KIAA0586: variants seen among roughly 807,000 people sequenced by gnomAD.
The protein encoded by KIAA0586 is KIAA0586.
A neutral mutation model predicts 169.8 loss-of-function variants in KIAA0586; 144 were observed. The observed-to-expected ratio is 0.85, with a 90% CI of 0.74 to 0.97. The LOEUF (loss-of-function observed/expected upper bound fraction) is 0.97. Ranked by LOEUF, KIAA0586 falls within the 50% of genes least tolerant of loss-of-function variation. The pLI, the probability that KIAA0586 is intolerant of heterozygous loss-of-function variation, is 0.00. For synonymous variants in KIAA0586, 625 were observed against 612.4 expected (o/e 1.02, Z -0.30); for missense variants, 1,854 against 1,823.0 (o/e 1.02, Z -0.31).
intron 7 of KIAA0586, among the ~76,000 whole-genome samples, chr14:58,450,353 C>G (rs1215050983): frequency 6.6e-6 from 1 of 152,040 alleles, no homozygotes; most frequent in Admixed American, 6.5e-5. Flanking sequence ...TTCAGTAGTT[C>G]TGAATATTAT....
intron 4 of KIAA0586, among the ~76,000 whole-genome samples, chr14:58,438,502 C>T (rs1467174681): frequency 6.6e-6 from 1 of 152,128 alleles, no homozygotes; most frequent in Non-Finnish European, 1.5e-5. Flanking sequence ...GAAAGAAGTC[C>T]TGCTACCATT....
At chr14:58,476,695 T>G (rs2041656059) in intron 19 of KIAA0586, among the ~76,000 whole-genome samples, 1 of 127,880 alleles carries the variant, frequency 7.8e-6, no homozygotes, top group Non-Finnish European at 1.6e-5. Flanking sequence ...TGAGACAGGG[T>G]CTCACTCTAT....
At chr14:58,428,841 A>G (rs1489256093) in intron 1 of KIAA0586, among the ~76,000 whole-genome samples, 1 of 152,170 alleles carries the variant, frequency 6.6e-6, no homozygotes, top group African/African-American at 2.4e-5. Flanking sequence ...TGGGAAAAGC[A>G]GGACTTCTGC....
intron 8 of KIAA0586, among the ~76,000 whole-genome samples, chr14:58,451,099 C>T (rs1279808389): frequency 6.6e-6 from 1 of 151,496 alleles, no homozygotes; most frequent in East Asian, 1.9e-4. Flanking sequence ...CCCCATTCTC[C>T]TGCCTCAGCC....
At chr14:58,464,434 AAG>A (rs1270855938) in intron 14 of KIAA0586, among the ~76,000 whole-genome samples, 1 of 151,640 alleles carries the variant, frequency 6.6e-6, no homozygotes, top group African/African-American at 2.4e-5. Context: ...AAAAAAAAAA[AAG>A]CACCCACATG....
At chr14:58,489,825 G>C (rs1373600906) in intron 24 of KIAA0586, among the ~76,000 whole-genome samples, 1 of 150,892 alleles carries the variant, frequency 6.6e-6, no homozygotes, top group East Asian at 1.9e-4. Context: ...TTTTTTCTTT[G>C]CTCTAAGTTC....
In KIAA0586 at chr14:58,508,691, C is replaced by A. The variant is rs144692893; in HGVS notation, c.4305C>A (p.Ala1435=). The A allele has an allele frequency of 1.9e-6, 3 of 1,587,634 alleles. No homozygotes were observed. The highest frequency in any genetic ancestry group is 2.3e-5 in the South Asian group (2 of 86,932). Residue 1435 remains alanine (A), a synonymous_variant, in exon 28 of 31, where the codon GCC becomes GCA. Transcript: ENST00000652326. ...AAAATGATGTTAATTTACCAGTAGC[C>A]GCTGAAGATTTTTCCCAGGTACCAA... The part of the protein sequence containing the change: ...AQENDVNLPV[A]AEDFSQYQLK...
At position 58,463,750 on chromosome 14, in the gene KIAA0586, T is replaced by C. The variant is rs541205441; in HGVS notation, c.2060-2085T>C. On this transcript the variant is annotated intron_variant, in intron 14 of 30. Transcript: ENST00000652326. ...GGAGGATCACTTCAGCACTTGAGCT[T>C]AGGAATTCAAGGTTGCAGTGAGCTA... Among the ~76,000 whole-genome samples, 105 of 151,628 alleles carry C rather than the reference T, an allele frequency of 6.9e-4. 1 individual carries two copies. Among genetic ancestry groups the C allele is most frequent in the African/African-American group, 2.4e-3 (98 of 41,294 alleles).
intron 14 of KIAA0586, among the ~76,000 whole-genome samples, chr14:58,464,829 G>A (rs1208991078): frequency 1.3e-5 from 2 of 152,160 alleles, no homozygotes; most frequent in African/African-American, 2.4e-5. Flanking sequence ...AGAGACCCCA[G>A]ACAAAGGGAT....
chr14:58,510,560 A>G (rs1355485648), intron 28 of KIAA0586, among the ~76,000 whole-genome samples: 1 of 152,210 alleles, frequency 6.6e-6, no homozygotes. Context: ...TCCAACCCCT[A>G]TGGAAAAGAG....
chr14:58,496,559 T>C (rs911375671), intron 26 of KIAA0586, among the ~76,000 whole-genome samples: 6 of 152,194 alleles, frequency 3.9e-5, no homozygotes, highest in African/African-American at 1.2e-4. Context: ...TAAAGGATGT[T>C]GAGGCAATCA....
chr14:58,501,071 A>G (rs2043536193), intron 27 of KIAA0586, among the ~76,000 whole-genome samples: 1 of 152,234 alleles, frequency 6.6e-6, no homozygotes, highest in Non-Finnish European at 1.5e-5. Context: ...GATCTGCTAT[A>G]TTCTTATTAT....
At chr14:58,440,130 G>T (rs1390851646) in intron 4 of KIAA0586, 1 of 413,164 alleles carries the variant, frequency 2.4e-6, no homozygotes. Flanking sequence ...CAGTCTTCCT[G>T]CCTCAGCCTC....
intron 29 of KIAA0586, among the ~76,000 whole-genome samples, chr14:58,516,821 A>G (rs1325824447): frequency 6.6e-6 from 1 of 151,966 alleles, no homozygotes; most frequent in Non-Finnish European, 1.5e-5. Context: ...AGAGAATTCA[A>G]AAAAAAAGTC....
At chr14:58,465,725 C>T (rs2040705818) in intron 14 of KIAA0586, 110 bp from the exon 15 acceptor site, 1 of 659,220 alleles carries the variant, frequency 1.5e-6, no homozygotes, top group South Asian at 2.5e-5. Context: ...GGCCTTGTAA[C>T]CTTATATAGA....
At chr14:58,498,736 CTTGA>C in intron 26 of KIAA0586, 43 bp from the exon 27 acceptor site, 1 of 1,512,554 alleles carries the variant, frequency 6.6e-7, no homozygotes, top group Non-Finnish European at 8.9e-7. Flanking sequence ...CCTGTTTTGA[CTTGA>C]TTTTAATATA....
chr14:58,464,188 A>G (rs1350206375), intron 14 of KIAA0586: 3 of 344,296 alleles, frequency 8.7e-6, no homozygotes, highest in East Asian at 1.8e-4. Context: ...AATTTATATA[A>G]TGGAATCTGG....
chr14:58,507,355 T>A (rs2044066962), intron 27 of KIAA0586, among the ~76,000 whole-genome samples: 1 of 140,808 alleles, frequency 7.1e-6, no homozygotes, highest in Non-Finnish European at 1.5e-5. Context: ...ATATCATATA[T>A]AATATATCAT....
chr14:58,543,119 G>A (rs1181708416), intron 30 of KIAA0586, among the ~76,000 whole-genome samples: 2 of 123,394 alleles, frequency 1.6e-5, no homozygotes, highest in African/African-American at 6.8e-5. Context: ...GTGACAAAAC[G>A]AGATTACGTC....
Sources: gnomAD v4.1 joint callset for allele counts (sites outside exome capture counted in the v4.1 genomes callset) on GRCh38, gnomAD v4.1.1 for gene constraint, MANE v1.5 for transcripts, NCBI Gene and HGNC (gene_info 2026-07-23, HGNC 2026-07-21) for gene names.